C1QTNF7: variants seen among roughly 807,000 people sequenced by gnomAD.
C1QTNF7 encodes C1q and TNF related 7, also known as complement C1q tumor necrosis factor-related protein 7.
Under a neutral mutation model 19.6 loss-of-function variants are expected in C1QTNF7, and 15 were observed. That is an observed-to-expected ratio of 0.76 (90% CI 0.51 to 1.18). The LOEUF (loss-of-function observed/expected upper bound fraction) is 1.18, where lower values mean the gene tolerates loss of function less well. Ranked by LOEUF, C1QTNF7 falls within the 50% of genes most tolerant of loss-of-function variation. C1QTNF7 has a pLI of 0.00. For synonymous variants in C1QTNF7, 142 were observed against 137.5 expected (o/e 1.03, Z -0.23); for missense variants, 324 against 359.7 (o/e 0.90, Z 0.80).
chr4:15,388,392 T>G (rs1168063108), intron 1 of C1QTNF7, among the ~76,000 whole-genome samples: 1 of 152,146 alleles, frequency 6.6e-6, no homozygotes, highest in African/African-American at 2.4e-5. Flanking sequence ...CCAAATAAGT[T>G]ACAACATAAA....
chr4:15,429,259 C>A (rs1196108626), intron 1 of C1QTNF7, among the ~76,000 whole-genome samples: 1 of 152,070 alleles, frequency 6.6e-6, no homozygotes, highest in Non-Finnish European at 1.5e-5. Context: ...CCATTTCAAC[C>A]ATTCTTATGT....
intron 1 of C1QTNF7, among the ~76,000 whole-genome samples, chr4:15,410,798 A>G (rs1719376815): frequency 6.6e-6 from 1 of 152,206 alleles, no homozygotes; most frequent in Non-Finnish European, 1.5e-5. Context: ...TTTCAGAACT[A>G]TTAGGGGAAC....
intron 1 of C1QTNF7, among the ~76,000 whole-genome samples, chr4:15,383,346 C>T (rs929571942): frequency 6.6e-6 from 1 of 152,134 alleles, no homozygotes; most frequent in Non-Finnish European, 1.5e-5. Flanking sequence ...ATTCACATGG[C>T]CCCCAAAATG....
intron 1 of C1QTNF7, among the ~76,000 whole-genome samples, chr4:15,392,635 C>G (rs1489367832): frequency 2.0e-5 from 3 of 152,222 alleles, no homozygotes; most frequent in African/African-American, 7.2e-5. Context: ...AAGCATCTCT[C>G]AGGCACCGGC....
chr4:15,423,168 A>C (rs896766790), upstream of C1QTNF7, among the ~76,000 whole-genome samples: 6 of 152,182 alleles, frequency 3.9e-5, no homozygotes, highest in Admixed American at 1.3e-4. Flanking sequence ...TAGCATAAAT[A>C]GGTTATTTGG....
At chr4:15,440,406 CTT>C (rs58931762) in intron 2 of C1QTNF7, among the ~76,000 whole-genome samples, 67,853 of 136,386 alleles carry the variant, frequency 0.5, 18,684 homozygotes, top group Non-Finnish European at 0.64. Flanking sequence ...ACAGAAGCAA[CTT>C]TTTTTTTTTT....
chr4:15,399,844 C>G (rs1465861695), intron 1 of C1QTNF7, among the ~76,000 whole-genome samples: 4 of 152,176 alleles, frequency 2.6e-5, no homozygotes, highest in African/African-American at 7.2e-5. Flanking sequence ...ACTGAGTGCC[C>G]ACTTGAAGCC....
chr4:15,426,614 T>G (rs907430815), upstream of C1QTNF7, among the ~76,000 whole-genome samples: 1 of 152,028 alleles, frequency 6.6e-6, no homozygotes, highest in Admixed American at 6.5e-5. Flanking sequence ...GAAAAGAAAA[T>G]ATGAATATCC....
intron 1 of C1QTNF7, among the ~76,000 whole-genome samples, chr4:15,376,314 T>C (rs188729897): frequency 1.3e-5 from 2 of 152,330 alleles, no homozygotes; most frequent in Non-Finnish European, 2.9e-5. Flanking sequence ...TTATTCAAAT[T>C]TGGGGAAATA....
chr4:15,416,304 G>A (rs756276928), intron 1 of C1QTNF7, among the ~76,000 whole-genome samples: 3 of 152,106 alleles, frequency 2.0e-5, no homozygotes, highest in Admixed American at 6.5e-5. Flanking sequence ...TACATGCCAG[G>A]CTCTGTTTTA....
chr4:15,343,674 T>C (rs1307571927), intron 1 of C1QTNF7, among the ~76,000 whole-genome samples: 1 of 152,168 alleles, frequency 6.6e-6, no homozygotes, highest in Non-Finnish European at 1.5e-5. Context: ...CAAAATTAGA[T>C]ATCGCAATTT....
rs553283761 is a variant in C1QTNF7 at position 15,416,796 on chromosome 4, G to A, written c.14-18940G>A. On this transcript the variant is annotated intron_variant, in intron 1 of 2. Transcript: ENST00000295297. ...GCATTGATTCTAACATAGGAACTGT[G>A]GCCGCAGCACAGCAAATTGAGTCTC... Among the ~76,000 whole-genome samples, 10 of 152,294 alleles carry A rather than the reference G, an allele frequency of 6.6e-5. No homozygotes were observed. The East Asian group carries it at 1.9e-3, about 29-fold the overall frequency.
At chr4:15,399,910 C>A (rs61240629) in intron 1 of C1QTNF7, among the ~76,000 whole-genome samples, 38,545 of 152,108 alleles carry the variant, frequency 0.25, 5,903 homozygotes, top group East Asian at 0.37. Context: ...TCCCAATATT[C>A]CTGTGGGATT....
intron 1 of C1QTNF7, among the ~76,000 whole-genome samples, chr4:15,346,367 G>T (rs1325721221): frequency 6.6e-6 from 1 of 152,152 alleles, no homozygotes; most frequent in Non-Finnish European, 1.5e-5. Flanking sequence ...ACGAATTATA[G>T]ATTAGTATTA....
chr4:15,368,123 T>C (rs1717594363), intron 1 of C1QTNF7, among the ~76,000 whole-genome samples: 1 of 152,148 alleles, frequency 6.6e-6, no homozygotes, highest in Non-Finnish European at 1.5e-5. Flanking sequence ...ACTGTGGACT[T>C]AGTTGCATTT....
intron 1 of C1QTNF7, among the ~76,000 whole-genome samples, chr4:15,374,387 C>T (rs909545701): frequency 6.6e-6 from 1 of 152,190 alleles, no homozygotes; most frequent in African/African-American, 2.4e-5. Context: ...GCTAATATCA[C>T]ACTTTTAGAA....
intron 1 of C1QTNF7, among the ~76,000 whole-genome samples, chr4:15,434,108 G>A (rs879844486): frequency 2.0e-5 from 3 of 151,514 alleles, no homozygotes; most frequent in East Asian, 3.9e-4. Flanking sequence ...GATTTGTGCT[G>A]TATGACAAGG....
rs186742132 is a variant in C1QTNF7 at position 15,442,952 on chromosome 4, A to G, written c.*153A>G. 2.1e-5 allele frequency: 16 copies of G among 757,820 alleles called. No individual in the cohort carries two copies. The highest frequency in any genetic ancestry group is 1.4e-4 in the Admixed American group (4 of 29,266). 46.9% of individuals were successfully genotyped at this position (757,820 alleles called of 1,614,324 possible). On this transcript the variant is annotated 3_prime_UTR_variant, in exon 3 of 3. Transcript: ENST00000444304. ...AATTTATCAAAACAAGATGAAACAC[A>G]GAAAAGTTGAAACCACAACAAAATG...
rs77377963 is a variant in C1QTNF7, at chr4:15,420,960, C to T, written c.14-14776C>T. On this transcript the variant is annotated intron_variant, in intron 1 of 2. Transcript: ENST00000295297. ...GAGTCTGCTGAGGACATTGTTTTGG[C>T]TGGAAGTGAATATGTATGCAAGAGG... 3.4e-3 allele frequency among the ~76,000 whole-genome samples: 506 copies of T among 148,028 alleles called. 3 individuals carry two copies. Among genetic ancestry groups the T allele is most frequent in the Non-Finnish European group, 5.7e-3 (388 of 67,630 alleles).
Sources: gnomAD v4.1 joint callset for allele counts (sites outside exome capture counted in the v4.1 genomes callset) on GRCh38, gnomAD v4.1.1 for gene constraint, MANE v1.5 for transcripts, NCBI Gene and HGNC (gene_info 2026-07-23, HGNC 2026-07-21) for gene names.